CEP83: variants seen among roughly 807,000 people sequenced by gnomAD.
CEP83 encodes the protein centrosomal protein of 83 kDa.
A neutral mutation model predicts 101.9 loss-of-function variants in CEP83; 70 were observed. That is an observed-to-expected ratio of 0.69 (90% CI 0.57 to 0.84). The LOEUF (loss-of-function observed/expected upper bound fraction) is 0.84. Among genes scored for constraint, CEP83 ranks in the 40% least tolerant of loss-of-function variants. CEP83 has a pLI of 0.00. For missense variants in CEP83, 715 were observed against 787.2 expected (o/e 0.91, Z 1.10); for synonymous variants, 264 against 267.9 (o/e 0.99, Z 0.14).
At chr12:94,297,234 T>C in the CEP83 span, 1 of 1,614,048 alleles carries the variant, frequency 6.2e-7, no homozygotes, top group Non-Finnish European at 8.5e-7. Flanking sequence ...AGTTCAGGCT[T>C]TCTTGTGCTC....
At chr12:94,367,762 T>G (rs746662932) in intron 11 of CEP83, 32 bp downstream of exon 11, 3 of 1,497,260 alleles carry the variant, frequency 2.0e-6, no homozygotes, top group Non-Finnish European at 2.7e-6. Flanking sequence ...TATTTCAACA[T>G]GAAAAACTTT....
At chr12:94,419,487 G>T (rs2064551243) in intron 2 of CEP83, among the ~76,000 whole-genome samples, 1 of 151,854 alleles carries the variant, frequency 6.6e-6, no homozygotes, top group African/African-American at 2.4e-5. Flanking sequence ...CTATGTGTGA[G>T]AAACTTAACA....
chr12:94,297,378 G>A, the CEP83 span: 1 of 1,613,970 alleles, frequency 6.2e-7, no homozygotes, highest in Non-Finnish European at 8.5e-7. Flanking sequence ...GGAAGCACAA[G>A]TTCAAAGTAA....
At chr12:94,399,083 CTT>C (rs1443689172) in intron 6 of CEP83, among the ~76,000 whole-genome samples, 9 of 152,158 alleles carry the variant, frequency 5.9e-5, no homozygotes, top group African/African-American at 2.2e-4. Context: ...GCCTTGTGAT[CTT>C]TGTTTCTGCC....
Position 94,423,641 on chromosome 12 carries a change from G to T in CEP83, c.-101-11050C>A, listed in dbSNP as rs144679889. 23 of 1,549,244 alleles carry T rather than the reference G, an allele frequency of 1.5e-5. No homozygotes were observed. In the African/African-American group the frequency reaches 3.2e-4, roughly 21 times the overall value. On this transcript the variant is annotated intron_variant, in intron 2 of 16. Coordinates refer to ENST00000397809, the MANE Select transcript of CEP83 (RefSeq NM_016122.3). ...CTAAGTGTTAGTCCTTAGCAGGGCC[G>T]ACGGATGGTCTCCATTCCTGGTTAA...
At chr12:94,319,248 G>T (rs1382261125) in intron 14 of CEP83, among the ~76,000 whole-genome samples, 1 of 152,062 alleles carries the variant, frequency 6.6e-6, no homozygotes, top group African/African-American at 2.4e-5. Context: ...TGGGGTCAGT[G>T]GTAACATCCC....
chr12:94,396,252 G>C lies in CEP83; in HGVS notation c.549+4598C>G, dbSNP rs553420701. 6.2e-5 allele frequency among the ~76,000 whole-genome samples: 7 copies of C among 112,962 alleles called. No individual in the cohort carries two copies. In the South Asian group the frequency reaches 2.0e-3, roughly 32 times the overall value. 74.1% of individuals were successfully genotyped at this position (112,962 alleles called of 152,430 possible). On this transcript the variant is annotated intron_variant, in intron 6 of 16. Transcript: ENST00000397809. The stretch of plus-strand genomic sequence containing the variant: ...CTGTATGAAGTCCCAGACTTAATAT[G>C]TTCTTACAGTCACATGAAAAAGCAT...
chr12:94,381,304 A>C (rs1276915815), intron 6 of CEP83, among the ~76,000 whole-genome samples: 4 of 152,050 alleles, frequency 2.6e-5, no homozygotes, highest in African/African-American at 4.8e-5. Flanking sequence ...CTTTCCTCTA[A>C]ATTTCCAAAG....
At chr12:94,323,589 T>TA (rs2058841501) in intron 14 of CEP83, among the ~76,000 whole-genome samples, 2 of 152,180 alleles carry the variant, frequency 1.3e-5, no homozygotes, top group African/African-American at 2.4e-5. Flanking sequence ...TTGAAGGTGC[T>TA]GTATTTACTT....
In CEP83 at chr12:94,431,277, T is replaced by C. The variant is rs572758890; in HGVS notation, c.-102+3998A>G. Among the ~76,000 whole-genome samples the C allele has an allele frequency of 3.3e-5, 5 of 152,264 alleles. No individual in the cohort carries two copies. In the South Asian group the frequency reaches 1.0e-3, roughly 32 times the overall value. The stretch of plus-strand genomic sequence containing the variant: ...TTAAATTGGATCCCTACCTCTCACA[T>C]ATACAAAAATCAACTCAAGATGGAT... On this transcript the variant is annotated intron_variant, in intron 2 of 16. Coordinates refer to ENST00000397809, the MANE Select transcript of CEP83 (RefSeq NM_016122.3).
intron 2 of CEP83, chr12:94,433,857 A>G (rs1361716367): frequency 6.6e-6 from 1 of 152,236 alleles, no homozygotes; most frequent in Admixed American, 6.5e-5. Flanking sequence ...GAATCCAGTT[A>G]AAGTGAAAGA....
intron 1 of CEP83, among the ~76,000 whole-genome samples, chr12:94,436,956 C>T (rs530898510): frequency 2.0e-5 from 3 of 152,062 alleles, no homozygotes; most frequent in South Asian, 4.2e-4. Context: ...ATTGCTGTCC[C>T]TAAGGAAGAA....
chr12:94,432,467 T>A (rs1301368627), intron 2 of CEP83, among the ~76,000 whole-genome samples: 1 of 152,022 alleles, frequency 6.6e-6, no homozygotes, highest in South Asian at 2.1e-4. Flanking sequence ...AAGATGGAGA[T>A]CATTACAATA....
rs1346315149 is a variant in CEP83, at chr12:94,370,179, C to A, written c.934-143G>T. On this transcript the variant is annotated intron_variant, in intron 8 of 16. Coordinates refer to ENST00000397809, the MANE Select transcript of CEP83 (RefSeq NM_016122.3). ...TTCCAAGAAGAAAGAAGTGTCAGTG[C>A]CTGCAACAGTACTTCAAGTAAGGAG... is the stretch of plus-strand genomic sequence containing the variant. 5 of 589,786 alleles carry A rather than the reference C, an allele frequency of 8.5e-6. No homozygotes were observed. The East Asian group carries it at 1.4e-4, about 16-fold the overall frequency. The allele number at this position is 589,786 out of a possible 1,614,324, so 36.5% of individuals were successfully genotyped here. A position where few individuals can be genotyped will look rare whatever the true frequency, so the allele number is the denominator to read the frequency against.
At chr12:94,270,293 C>T in the CEP83 span, among the ~76,000 whole-genome samples, 3 of 152,218 alleles carry the variant, frequency 2.0e-5, no homozygotes, top group Admixed American at 6.5e-5. Flanking sequence ...ATTGGAACAC[C>T]TGTTCATTTC....
intron 8 of CEP83, among the ~76,000 whole-genome samples, chr12:94,373,472 G>T (rs901985414): frequency 6.6e-6 from 1 of 152,138 alleles, no homozygotes; most frequent in African/African-American, 2.4e-5. Flanking sequence ...AGAAGCTCTG[G>T]ATACAGATTC....
intron 8 of CEP83, among the ~76,000 whole-genome samples, chr12:94,375,592 A>C (rs969982982): frequency 6.6e-6 from 1 of 152,204 alleles, no homozygotes; most frequent in Non-Finnish European, 1.5e-5. Flanking sequence ...AGTGGATGTC[A>C]TAAGAATTGA....
the CEP83 span, among the ~76,000 whole-genome samples, chr12:94,276,475 AAGG>A: frequency 7.1e-6 from 1 of 140,232 alleles, no homozygotes; most frequent in African/African-American, 2.6e-5. Context: ...GTGGAACCAG[AAGG>A]AGGGAGGGAG....
rs572575211 is a variant in CEP83 at position 94,349,200 on chromosome 12, C to T, written c.1344-13536G>A. ...ACTCGGGAGGCTGAGGCAGGAGAAT[C>T]GCTGAACCCAGGAGGTGGAACTTGC... On this transcript the variant is annotated intron_variant, in intron 11 of 16. Transcript: ENST00000397809. 4.6e-5 allele frequency among the ~76,000 whole-genome samples: 7 copies of T among 150,852 alleles called. No homozygotes were observed. In the East Asian group the frequency reaches 5.8e-4, roughly 13 times the overall value.
Sources: allele counts gnomAD v4.1 joint callset (sites outside exome capture counted in the v4.1 genomes callset), GRCh38; gene constraint gnomAD v4.1.1; transcripts MANE v1.5; gene names NCBI Gene and HGNC (gene_info 2026-07-23, HGNC 2026-07-21).